The following ZNF384 variants were observed in gnomAD, a reference collection of about 807,000 sequenced individuals.
ZNF384 encodes the protein zinc finger protein 384, also known as CAG repeat protein 1.
In ZNF384, 20 loss-of-function variants were observed where a neutral mutation model predicts 65.0. That is an observed-to-expected ratio of 0.31 (90% CI 0.22 to 0.45). The LOEUF is 0.45. ZNF384 is among the 20% of genes least tolerant of loss of function. The pLI is 1.00. For missense variants in ZNF384, 549 were observed against 769.4 expected (o/e 0.71, Z 3.39); for synonymous variants, 310 against 303.9 (o/e 1.02, Z -0.21).
intron 2 of ZNF384, among the ~76,000 whole-genome samples, chr12:6,681,461 G>C (rs538523845): frequency 5.3e-5 from 8 of 152,052 alleles, no homozygotes; most frequent in African/African-American, 1.7e-4. Context: ...ATGGGGAAAC[G>C]AGTAACAAAA....
At chr12:6,686,629 T>G (rs749635743) in intron 2 of ZNF384, among the ~76,000 whole-genome samples, 1 of 152,158 alleles carries the variant, frequency 6.6e-6, no homozygotes, top group Non-Finnish European at 1.5e-5. Context: ...AATTAACCAT[T>G]TTACTAGGTT....
At chr12:6,668,188 G>C in intron 11 of ZNF384, 73 bp from the exon 12 acceptor site, 1 of 1,425,792 alleles carries the variant, frequency 7.0e-7, no homozygotes, top group South Asian at 1.4e-5. Context: ...TAGCACCCCA[G>C]GCTCTGATTC....
Position 6,667,903 on chromosome 12 carries a change from T to TTGCTGC in ZNF384, c.1632_1637dup (p.Gln546_Gln547dup), listed in dbSNP as rs3835029. On this transcript the variant is annotated inframe_insertion, in exon 12 of 12. Coordinates refer to ENST00000683879, the MANE Select transcript of ZNF384 (RefSeq NM_001385745.1). ...GAGACTGGAAGTGTGGTGGTGGCTG[T>TTGCTGC]TGCTGCTGCTGCTGCTGCTGCTGCT... 2,927 of 1,547,552 alleles carry TTGCTGC rather than the reference T, an allele frequency of 1.9e-3. 1 individual carries two copies. The highest frequency in any genetic ancestry group is 4.4e-3 in the South Asian group (395 of 88,996).
At chr12:6,679,884 A>C (rs1460086086) in intron 2 of ZNF384, among the ~76,000 whole-genome samples, 1 of 152,268 alleles carries the variant, frequency 6.6e-6, no homozygotes, top group Admixed American at 6.5e-5. Context: ...CACAAAAAAC[A>C]AATCACTGAC....
At chr12:6,682,303 G>C (rs1417160704) in intron 2 of ZNF384, among the ~76,000 whole-genome samples, 3 of 150,878 alleles carry the variant, frequency 2.0e-5, no homozygotes, top group Non-Finnish European at 2.9e-5. Flanking sequence ...CTGGGTAACA[G>C]AGCAAGACCC....
At chr12:6,684,139 C>T (rs2137276957) in intron 2 of ZNF384, among the ~76,000 whole-genome samples, 1 of 152,264 alleles carries the variant, frequency 6.6e-6, no homozygotes, top group African/African-American at 2.4e-5. Context: ...GTCCCTGCAA[C>T]AATGAGGTAG....
Position 6,667,106 on chromosome 12 carries a change from G to C in ZNF384, c.*608C>G, listed in dbSNP as rs1949957772. 2 of 235,144 alleles carry C rather than the reference G, an allele frequency of 8.5e-6. No individual in the cohort carries two copies. The highest frequency in any genetic ancestry group is 3.0e-4 in the South Asian group (2 of 6,566). 14.6% of individuals were successfully genotyped at this position (235,144 alleles called of 1,614,324 possible). A position where few individuals can be genotyped will look rare whatever the true frequency, so the allele number is the denominator to read the frequency against. On this transcript the variant is annotated 3_prime_UTR_variant, in exon 12 of 12. Transcript: ENST00000683879. Reference sequence around the variant, plus strand: ...ACTTGGGAATTTCTGGCCCCTTGGGGACCACATCTCAGCCCTTGCCCCCTT... The same window carrying C: ...ACTTGGGAATTTCTGGCCCCTTGGGCACCACATCTCAGCCCTTGCCCCCTT...
chr12:6,687,781 C>T (rs1958495371), intron 2 of ZNF384, among the ~76,000 whole-genome samples: 1 of 152,178 alleles, frequency 6.6e-6, no homozygotes, highest in African/African-American at 2.4e-5. Context: ...AAACTCAGCT[C>T]TGCTTGTTCC....
chr12:6,676,025 C>A (rs1237609877), intron 7 of ZNF384, among the ~76,000 whole-genome samples: 1 of 152,178 alleles, frequency 6.6e-6, no homozygotes, highest in Non-Finnish European at 1.5e-5. Flanking sequence ...TTTTGCCAGG[C>A]ACAGTGGCTC....
intron 6 of ZNF384, 74 bp from the exon 7 acceptor site, chr12:6,677,333 C>T: frequency 1.6e-6 from 2 of 1,240,496 alleles, no homozygotes; most frequent in Non-Finnish European, 2.1e-6. Flanking sequence ...CAGCCATGCA[C>T]ATCTGCCCCT....
At chr12:6,676,919 T>C (rs1015810389) in intron 7 of ZNF384, among the ~76,000 whole-genome samples, 7 of 152,208 alleles carry the variant, frequency 4.6e-5, no homozygotes, top group Non-Finnish European at 8.8e-5. Flanking sequence ...CAATTCTGCA[T>C]AGCAACACTC....
chr12:6,674,297 A>C (rs1952671712), intron 7 of ZNF384, among the ~76,000 whole-genome samples: 1 of 152,178 alleles, frequency 6.6e-6, no homozygotes, highest in Admixed American at 6.5e-5. Flanking sequence ...AATCCTTTCC[A>C]CTCTGGTATT....
intron 10 of ZNF384, among the ~76,000 whole-genome samples, chr12:6,669,558 G>A (rs948191913): frequency 4.6e-5 from 7 of 151,620 alleles, no homozygotes; most frequent in African/African-American, 1.2e-4. Flanking sequence ...GGAGTGCAGC[G>A]GCACAATCTC....
chr12:6,673,057 T>C lies in ZNF384; in HGVS notation c.1004+159A>G. Reference sequence around the variant, plus strand: ...CAATTTTCAAGGCCCCCCAAATAGCTAGGATATATAATTTCCACAGACAGT... The same window carrying C: ...CAATTTTCAAGGCCCCCCAAATAGCCAGGATATATAATTTCCACAGACAGT... On this transcript the variant is annotated intron_variant, in intron 8 of 11. Transcript: ENST00000683879. The surrounding 1 kb of genome is among the most constrained non-coding windows in gnomAD (Gnocchi z 4.7). The C allele has an allele frequency of 1.4e-6, 1 of 702,334 alleles. No homozygotes were observed. Among genetic ancestry groups the C allele is most frequent in the Non-Finnish European group, 2.4e-6 (1 of 421,458 alleles). The allele number at this position is 702,334 out of a possible 1,614,324, so 43.5% of individuals were successfully genotyped here. A position where few individuals can be genotyped will look rare whatever the true frequency, so the allele number is the denominator to read the frequency against.
In ZNF384 at chr12:6,675,213, T is replaced by C. The variant is rs372177572; in HGVS notation, c.780-1773A>G. On this transcript the variant is annotated intron_variant, in intron 7 of 11. Transcript: ENST00000683879. ...TCTCAGAAGACACTAGGTATAATAA[T>C]GATGATGACCACAATGATAATAGTT... Among the ~76,000 whole-genome samples, 205 of 152,326 alleles carry C rather than the reference T, an allele frequency of 1.3e-3. 2 individuals carry two copies. The Middle Eastern group carries it at 0.02, about 15-fold the overall frequency.
chr12:6,677,233 T>G lies in ZNF384; in HGVS notation c.713A>C (p.Asn238Thr). The change falls in exon 7 of 12, where the codon AAT (asparagine) becomes ACT (threonine). Residue 238 changes from asparagine (N) to threonine (T), a missense_variant. Physicochemically the swap from Asn to Thr is moderately conservative, Grantham distance 65 (BLOSUM62 0). Coordinates refer to ENST00000683879, the MANE Select transcript of ZNF384 (RefSeq NM_001385745.1). ...YRSEGNCGTG[N>T]GQSLGLMDSV... ...ATCCATGAGCCCAAGGCTCTGTCCA[T>G]TTCCTGTGCCGCAGTTCCCTTCGCT... 1 of 1,311,452 alleles carries G rather than the reference T, an allele frequency of 7.6e-7. No individual in the cohort carries two copies. The highest frequency in any genetic ancestry group is 1.0e-6 in the Non-Finnish European group (1 of 1,001,006). The allele number at this position is 1,311,452 out of a possible 1,614,324, so 81.2% of individuals were successfully genotyped here. A position where few individuals can be genotyped will look rare whatever the true frequency, so the allele number is the denominator to read the frequency against.
rs1951948074 is a variant in ZNF384 at position 6,672,610 on chromosome 12, T to A, written c.1005-78A>T. The stretch of plus-strand genomic sequence containing the variant: ...GGGCTCAGCTCTCTGCTGGGTGAAA[T>A]GACGTTGCTTGACGGATGAGAGCAC... On this transcript the variant is annotated intron_variant, in intron 8 of 11. Transcript: ENST00000683879. The surrounding 1 kb of genome is among the most constrained non-coding windows in gnomAD (Gnocchi z 4.4). The A allele has an allele frequency of 4.3e-6, 6 of 1,399,008 alleles. No individual in the cohort carries two copies. The highest frequency in any genetic ancestry group is 5.9e-6 in the Non-Finnish European group (6 of 1,016,432). The allele number at this position is 1,399,008 out of a possible 1,614,324, so 86.7% of individuals were successfully genotyped here.
intron 1 of ZNF384, chr12:6,688,509 ACAGGTAAC>A (rs1341128514): frequency 6.6e-6 from 1 of 152,336 alleles, no homozygotes; most frequent in Non-Finnish European, 1.5e-5. Context: ...TTCCCAGGCC[ACAGGTAAC>A]CAGGGGTCAG....
chr12:6,668,956 T>C (rs1468382390), intron 11 of ZNF384, 75 bp downstream of exon 11: 4 of 1,485,228 alleles, frequency 2.7e-6, no homozygotes, highest in African/African-American at 2.8e-5. Context: ...AACAGATCTC[T>C]ACCCAGAAAA....
Sources: allele counts gnomAD v4.1 joint callset (sites outside exome capture counted in the v4.1 genomes callset), GRCh38; gene constraint gnomAD v4.1.1; non-coding constraint Gnocchi (gnomAD v3.1); transcripts MANE v1.5; gene names NCBI Gene and HGNC (gene_info 2026-07-23, HGNC 2026-07-21).